The following KCNC2 variants were observed in gnomAD, a reference collection of about 807,000 sequenced individuals.
KCNC2 encodes potassium voltage-gated channel subfamily C member 2, also known as voltage-gated potassium channel KCNC2.
KCNC2 carries 21 observed loss-of-function variants against 44.5 expected under a neutral mutation model. The ratio of observed to expected loss-of-function variants is 0.47; its 90% confidence interval spans 0.33 to 0.68. KCNC2 has a LOEUF of 0.68. Ranked by LOEUF, KCNC2 falls within the 30% of genes least tolerant of loss-of-function variation. The probability of loss-of-function intolerance (pLI) is 0.01; values close to 1 mark genes in which losing one functional copy is unlikely to be tolerated. For synonymous variants in KCNC2, 391 were observed against 339.1 expected, an observed-to-expected ratio of 1.15 and a Z score of -1.68; for missense variants, 589 against 826.2, an observed-to-expected ratio of 0.71 and a Z score of 3.52.
intron 4 of KCNC2, among the ~76,000 whole-genome samples, chr12:75,045,113 G>C (rs1278284040): frequency 6.6e-6 from 1 of 151,908 alleles, no homozygotes; most frequent in Non-Finnish European, 1.5e-5. Flanking sequence ...ACGTAAACTA[G>C]ACGATAAACA....
At chr12:75,092,563 T>A (rs574756983) in intron 2 of KCNC2, among the ~76,000 whole-genome samples, 2 of 151,766 alleles carry the variant, frequency 1.3e-5, no homozygotes, top group South Asian at 2.1e-4. Context: ...TGATGACAAC[T>A]TATATAAATA....
intron 2 of KCNC2, among the ~76,000 whole-genome samples, chr12:75,105,468 T>C (rs1260318307): frequency 1.3e-5 from 2 of 152,016 alleles, no homozygotes; most frequent in Non-Finnish European, 2.9e-5. Context: ...TATTTTCAGG[T>C]GAAGGATGTG....
At chr12:75,167,058 AAAGG>A (rs1246473900) in intron 2 of KCNC2, among the ~76,000 whole-genome samples, 2 of 151,306 alleles carry the variant, frequency 1.3e-5, no homozygotes, top group African/African-American at 4.8e-5. Flanking sequence ...AAAAGAAAAG[AAAGG>A]AAGGAGACTG....
chr12:75,052,702 C>G (rs1048101485), intron 2 of KCNC2, among the ~76,000 whole-genome samples: 2 of 152,066 alleles, frequency 1.3e-5, no homozygotes, highest in African/African-American at 4.8e-5. Flanking sequence ...TGAGACAGTT[C>G]AAGAAGAGAT....
At chr12:75,058,305 T>C (rs1478213681) in intron 2 of KCNC2, among the ~76,000 whole-genome samples, 1 of 151,674 alleles carries the variant, frequency 6.6e-6, no homozygotes, top group African/African-American at 2.4e-5. Context: ...AAATTGCAAT[T>C]ATTTAAAATT....
intron 2 of KCNC2, among the ~76,000 whole-genome samples, chr12:75,076,143 C>G: frequency 6.6e-6 from 1 of 151,834 alleles, no homozygotes; most frequent in Non-Finnish European, 1.5e-5. Flanking sequence ...AATAGAAGGC[C>G]TGGTACTCAT....
chr12:75,086,671 A>AT (rs1169816045), intron 2 of KCNC2, among the ~76,000 whole-genome samples: 90 of 89,240 alleles, frequency 1.0e-3, no homozygotes, highest in African/African-American at 4.1e-3. Flanking sequence ...AAAAAAAAAA[A>AT]AAAAAAAAAA....
At chr12:75,135,717 G>T (rs561480442) in intron 2 of KCNC2, among the ~76,000 whole-genome samples, 1 of 151,978 alleles carries the variant, frequency 6.6e-6, no homozygotes, top group African/African-American at 2.4e-5. Context: ...TCATCGAATT[G>T]GTGACTATTA....
At chr12:75,204,033 C>T (rs1194661698) in intron 2 of KCNC2, among the ~76,000 whole-genome samples, 3 of 151,908 alleles carry the variant, frequency 2.0e-5, no homozygotes, top group South Asian at 4.1e-4. Flanking sequence ...TATATTTATG[C>T]ATCCTTGTTT....
Position 75,207,395 on chromosome 12 carries a change from C to T in KCNC2, c.589G>A (p.Gly197Arg), listed in dbSNP as rs1420100026. 2.5e-6 allele frequency: 4 copies of T among 1,588,470 alleles called. No individual in the cohort carries two copies. Among genetic ancestry groups the T allele is most frequent in the East Asian group, 2.3e-5 (1 of 43,574 alleles). Residue 197 changes from glycine (G) to arginine (R), a missense_variant, in exon 2 of 5, where the codon GGG (glycine) becomes AGG (arginine). Physicochemically the swap from Gly to Arg is moderately radical, Grantham distance 125. This residue lies in a region of KCNC2 where 97 missense variants were observed against 73.3 expected (regional missense o/e 1.32). Transcript: ENST00000549446. This position sits in a 1 kb window ranked among gnomAD's most constrained non-coding sequence, Gnocchi z 4.1. The part of the protein sequence containing the change: ...AKRLGIEDAA[G>R]LGGPDGKSGR... ...GATTTGCCGTCGGGGCCCCCGAGCC[C>T]CGCCGCGTCCTCGATGCCCAGCCTC...
intron 2 of KCNC2, among the ~76,000 whole-genome samples, chr12:75,080,359 G>A (rs1884380616): frequency 2.0e-5 from 3 of 151,770 alleles, no homozygotes; most frequent in African/African-American, 4.8e-5. Flanking sequence ...TTCCACATTC[G>A]TGCATAAGCT....
At chr12:75,057,172 A>AT (rs1881837531) in intron 2 of KCNC2, among the ~76,000 whole-genome samples, 3 of 152,082 alleles carry the variant, frequency 2.0e-5, no homozygotes, top group African/African-American at 7.2e-5. Flanking sequence ...TTATTAACCC[A>AT]TAGAACTTAT....
At chr12:75,086,670 AAAAAAAAAAAAAT>A (rs572544277) in intron 2 of KCNC2, among the ~76,000 whole-genome samples, 1,703 of 110,898 alleles carry the variant, frequency 0.015, 37 homozygotes, top group African/African-American at 0.068. Context: ...CAAAAAAAAA[AAAAAAAAAAAAAT>A]ATATATATAT....
At chr12:75,143,513 C>T (rs2471659) in intron 2 of KCNC2, among the ~76,000 whole-genome samples, 93,607 of 151,802 alleles carry the variant, frequency 0.62, 31,060 homozygotes, top group African/African-American at 0.87. Context: ...GATGTGGTTC[C>T]AGGCCCCTGC....
intron 2 of KCNC2, among the ~76,000 whole-genome samples, chr12:75,082,738 T>C (rs917586492): frequency 6.6e-6 from 1 of 151,846 alleles, no homozygotes; most frequent in African/African-American, 2.4e-5. Context: ...AAATATTTAA[T>C]GATATGAAAA....
chr12:75,121,794 A>G (rs1259809678), intron 2 of KCNC2, among the ~76,000 whole-genome samples: 1 of 152,228 alleles, frequency 6.6e-6, no homozygotes, highest in Non-Finnish European at 1.5e-5. Flanking sequence ...TATCAGAGCA[A>G]AGTTCTCCAT....
chr12:75,086,699 T>TATATACAC (rs1339170718), intron 2 of KCNC2, among the ~76,000 whole-genome samples: 5 of 138,866 alleles, frequency 3.6e-5, no homozygotes, highest in African/African-American at 1.4e-4. Context: ...TATATATATA[T>TATATACAC]ACACACACAT....
chr12:75,069,129 CTTT>C (rs1158151551), intron 2 of KCNC2, among the ~76,000 whole-genome samples: 4 of 63,648 alleles, frequency 6.3e-5, no homozygotes, highest in East Asian at 5.2e-4. Context: ...TTTATATAAT[CTTT>C]TTTTTTTTTT....
At chr12:75,067,327 A>G (rs886813476) in intron 2 of KCNC2, among the ~76,000 whole-genome samples, 1 of 152,246 alleles carries the variant, frequency 6.6e-6, no homozygotes, top group Admixed American at 6.5e-5. Context: ...ATTCATATGC[A>G]GTTCTTCCTA....
Sources: gnomAD v4.1 joint callset for allele counts (sites outside exome capture counted in the v4.1 genomes callset) on GRCh38, gnomAD v4.1.1 for gene constraint, gnomAD v4.1.1 regional missense constraint, Gnocchi (gnomAD v3.1) non-coding constraint, MANE v1.5 for transcripts, NCBI Gene and HGNC (gene_info 2026-07-23, HGNC 2026-07-21) for gene names.